LRRC37A2: variants seen among roughly 807,000 people sequenced by gnomAD.
LRRC37A2 encodes leucine rich repeat containing 37 member A2, also known as leucine-rich repeat-containing protein 37A2.
Under a neutral mutation model 68.8 loss-of-function variants are expected in LRRC37A2, and 9 were observed. The observed-to-expected ratio is 0.13, with a 90% confidence interval of 0.08 to 0.23. The LOEUF (loss-of-function observed/expected upper bound fraction) is 0.23. Ranked by LOEUF, LRRC37A2 falls within the 10% of genes least tolerant of loss-of-function variation. LRRC37A2 has a pLI of 1.00. For missense variants in LRRC37A2, 168 were observed against 950.4 expected (o/e 0.18, Z 10.82); for synonymous variants, 63 against 367.6 (o/e 0.17, Z 9.48).
chr17:46,534,490 G>A lies in LRRC37A2; in HGVS notation c.2907-5686G>A, dbSNP rs552380150. On this transcript the variant is annotated intron_variant, in intron 6 of 14. Coordinates refer to ENST00000576629, the Ensembl canonical transcript of LRRC37A2. ...TCAACCCTGAGTGGACACAGCACAT[G>A]TTTCAGAGAGCACTGGGTTGGGGGT... 1.8e-3 allele frequency among the ~76,000 whole-genome samples: 271 copies of A among 148,698 alleles called. 6 individuals are homozygous for A. Among genetic ancestry groups the A allele is most frequent in the Admixed American group, 5.4e-3 (82 of 15,146 alleles).
At chr17:46,776,674 G>A in the LRRC37A2 span, among the ~76,000 whole-genome samples, 1 of 152,100 alleles carries the variant, frequency 6.6e-6, no homozygotes, top group Non-Finnish European at 1.5e-5. Flanking sequence ...TCACTGGAGG[G>A]GAAACTGAGG....
chr17:46,885,177 T>G, the LRRC37A2 span: 1 of 340,670 alleles, frequency 2.9e-6, no homozygotes, highest in Non-Finnish European at 5.8e-6. Context: ...TGGCTAATTT[T>G]GTATTTTTAG....
the LRRC37A2 span, chr17:46,941,135 A>G: frequency 1.8e-5 from 18 of 1,019,898 alleles, no homozygotes; most frequent in Non-Finnish European, 2.1e-5. Flanking sequence ...GAGGAACTTG[A>G]GATCTCTTTA....
the LRRC37A2 span, among the ~76,000 whole-genome samples, chr17:46,946,356 G>A: frequency 6.6e-6 from 1 of 151,428 alleles, no homozygotes; most frequent in Admixed American, 6.6e-5. Context: ...AGCTGCTCGG[G>A]AGGCTGAGGC....
At chr17:46,773,339 C>T in the LRRC37A2 span, among the ~76,000 whole-genome samples, 1 of 152,090 alleles carries the variant, frequency 6.6e-6, no homozygotes, top group Non-Finnish European at 1.5e-5. Context: ...CACCCCAAAG[C>T]GGTATTTGCA....
the LRRC37A2 span, among the ~76,000 whole-genome samples, chr17:46,687,637 C>G: frequency 6.6e-6 from 1 of 151,526 alleles, no homozygotes; most frequent in East Asian, 1.9e-4. Flanking sequence ...GTGCATACTC[C>G]TTTTCATCCT....
chr17:46,728,285 A>AT, the LRRC37A2 span, among the ~76,000 whole-genome samples: 3 of 151,926 alleles, frequency 2.0e-5, no homozygotes, highest in African/African-American at 7.2e-5. Context: ...GAAATTCCTT[A>AT]TTTTCCCCTT....
the LRRC37A2 span, among the ~76,000 whole-genome samples, chr17:46,851,359 C>T: frequency 6.6e-6 from 1 of 151,546 alleles, no homozygotes; most frequent in Admixed American, 6.6e-5. The surrounding 1 kb of genome is among the most constrained non-coding windows in gnomAD (Gnocchi z 4.3). Flanking sequence ...GGGCGCGGCG[C>T]CAGGTGAGCG....
the LRRC37A2 span, chr17:46,763,658 C>T: frequency 2.2e-4 from 34 of 152,052 alleles, no homozygotes; most frequent in Middle Eastern, 3.4e-3. Context: ...ACTAAGGTGA[C>T]CTGGAGTCCA....
the LRRC37A2 span, chr17:46,931,969 G>T: frequency 1.9e-6 from 2 of 1,045,390 alleles, no homozygotes; most frequent in Non-Finnish European, 1.5e-6. Context: ...GTAGGGAGAA[G>T]TAAGGAAACG....
the LRRC37A2 span, among the ~76,000 whole-genome samples, chr17:46,569,462 G>A: frequency 6.7e-6 from 1 of 148,426 alleles, no homozygotes; most frequent in East Asian, 2.0e-4. Flanking sequence ...CTTGGTGATG[G>A]GTACATGGGG....
chr17:46,734,969 T>G, the LRRC37A2 span, among the ~76,000 whole-genome samples: 1 of 152,164 alleles, frequency 6.6e-6, no homozygotes, highest in Non-Finnish European at 1.5e-5. Context: ...GAGGATCGCT[T>G]GAGCCCATGA....
chr17:47,009,319 G>C, the LRRC37A2 span, among the ~76,000 whole-genome samples: 2 of 152,098 alleles, frequency 1.3e-5, no homozygotes, highest in African/African-American at 4.8e-5. Context: ...CAAATATTTA[G>C]ACAGACGGCC....
the LRRC37A2 span, chr17:46,932,518 G>C: frequency 1.7e-6 from 1 of 575,278 alleles, no homozygotes; most frequent in African/African-American, 1.9e-5. Context: ...ATCAGATAGA[G>C]ACAGATGATT....
the LRRC37A2 span, among the ~76,000 whole-genome samples, chr17:46,890,504 C>G: frequency 2.0e-5 from 3 of 152,138 alleles, no homozygotes; most frequent in Non-Finnish European, 4.4e-5. Context: ...GAGGTAGACT[C>G]ATACTGGTGT....
chr17:46,931,079 C>A, the LRRC37A2 span: 2 of 1,260,866 alleles, frequency 1.6e-6, no homozygotes. Context: ...AGCAATTATT[C>A]TTTTTTCTTT....
intron 3 of LRRC37A2, among the ~76,000 whole-genome samples, chr17:46,519,489 T>TATCC (rs2051975602): frequency 7.7e-6 from 1 of 129,594 alleles, no homozygotes; most frequent in Non-Finnish European, 1.6e-5. Flanking sequence ...GAGAGAGGGA[T>TATCC]ATGATTGGAA....
the LRRC37A2 span, among the ~76,000 whole-genome samples, chr17:46,610,043 C>CTCTT: frequency 8.1e-5 from 6 of 73,876 alleles, 1 homozygote; most frequent in Non-Finnish European, 1.5e-4. Flanking sequence ...CTCTCTCTCT[C>CTCTT]TTTCTTTCTT....
the LRRC37A2 span, chr17:46,917,222 G>A: frequency 6.6e-6 from 1 of 152,158 alleles, no homozygotes. Context: ...ATCAGATATA[G>A]GTGAGACTCA....
Sources: allele counts gnomAD v4.1 joint callset (sites outside exome capture counted in the v4.1 genomes callset), GRCh38; gene constraint gnomAD v4.1.1; non-coding constraint Gnocchi (gnomAD v3.1); transcripts MANE v1.5; gene names NCBI Gene and HGNC (gene_info 2026-07-23, HGNC 2026-07-21).